PPP3CC: variants seen among roughly 807,000 people sequenced by gnomAD.
PPP3CC encodes protein phosphatase 3 catalytic subunit gamma, also known as serine/threonine-protein phosphatase 2B catalytic subunit gamma isoform.
A neutral mutation model predicts 60.3 loss-of-function variants in PPP3CC; 35 were observed. The ratio of observed to expected loss-of-function variants is 0.58; its 90% confidence interval spans 0.44 to 0.77. PPP3CC has a LOEUF of 0.77. Among genes scored for constraint, PPP3CC ranks in the 30% least tolerant of loss-of-function variants. PPP3CC has a pLI of 0.00. For missense variants in PPP3CC, 570 were observed against 628.9 expected, an observed-to-expected ratio of 0.91 and a Z score of 1.00; for synonymous variants, 206 against 224.3, an observed-to-expected ratio of 0.92 and a Z score of 0.73.
chr8:22,520,905 T>A (rs1839388577), intron 6 of PPP3CC, among the ~76,000 whole-genome samples: 1 of 152,212 alleles, frequency 6.6e-6, no homozygotes, highest in African/African-American at 2.4e-5. Flanking sequence ...GTCTATGCAT[T>A]TGAAGGAGCA....
In PPP3CC at chr8:22,532,289, G is replaced by A; in HGVS notation, c.1206G>A (p.Arg402=). The A allele has an allele frequency of 6.2e-7, 1 of 1,612,542 alleles. No homozygotes were observed. Among genetic ancestry groups the A allele is most frequent in the African/African-American group, 1.3e-5 (1 of 75,024 alleles). ...NKIRAIGKMA[R]VFSILRQESE... ...TCAGAGCCATTGGGAAGATGGCACG[G>A]GTCTTTTCAATTCTTCGGTAAGGAT... is the stretch of plus-strand genomic sequence containing the variant. The change falls in exon 11 of 14, where the codon CGG becomes CGA. Residue 402 remains arginine, a synonymous_variant. Coordinates refer to ENST00000240139, the MANE Select transcript of PPP3CC (RefSeq NM_005605.5).
chr8:22,532,785 T>C (rs1839750621), intron 11 of PPP3CC, 136 bp from the exon 12 acceptor site: 2 of 549,928 alleles, frequency 3.6e-6, no homozygotes, highest in Non-Finnish European at 6.3e-6. Context: ...ATCCCTTTCT[T>C]TGAGTCAGGG....
At chr8:22,499,445 CA>C (rs1241426528) in intron 4 of PPP3CC, among the ~76,000 whole-genome samples, 21 of 92,574 alleles carry the variant, frequency 2.3e-4, no homozygotes, top group South Asian at 3.4e-4. Flanking sequence ...GACTCCGTCT[CA>C]AAAAAAAAAA....
intron 10 of PPP3CC, among the ~76,000 whole-genome samples, chr8:22,529,822 C>A (rs1475210435): frequency 6.6e-6 from 1 of 152,016 alleles, no homozygotes; most frequent in Non-Finnish European, 1.5e-5. Flanking sequence ...TGTGAGGGAT[C>A]TTTTTATACA....
intron 3 of PPP3CC, among the ~76,000 whole-genome samples, chr8:22,486,481 T>C (rs953221119): frequency 1.8e-4 from 27 of 152,346 alleles, no homozygotes; most frequent in African/African-American, 6.5e-4. Flanking sequence ...GGAAACACTC[T>C]TTCTTGATGA....
intron 1 of PPP3CC, among the ~76,000 whole-genome samples, chr8:22,447,366 T>G (rs1357175762): frequency 6.6e-6 from 1 of 151,846 alleles, no homozygotes. Context: ...GTATTTTTAG[T>G]AGAGACGGGG....
intron 1 of PPP3CC, among the ~76,000 whole-genome samples, chr8:22,449,936 G>A (rs1333346110): frequency 6.7e-6 from 1 of 149,012 alleles, no homozygotes; most frequent in African/African-American, 2.5e-5. Context: ...GCGCAATCTC[G>A]GCTCACTGCA....
rs1282110789 is a variant in PPP3CC at position 22,499,117 on chromosome 8, T to G, written c.484+1005T>G. Among the ~76,000 whole-genome samples, 7 of 148,194 alleles carry G rather than the reference T, an allele frequency of 4.7e-5. No individual in the cohort carries two copies. In the East Asian group the frequency reaches 1.4e-3, roughly 29 times the overall value. Reference sequence around the variant, plus strand: ...CTGGGCAACAGAGCGAGACTCCGACTCAAAAAAAAAAGAAATAGAATTATT... The same window carrying G: ...CTGGGCAACAGAGCGAGACTCCGACGCAAAAAAAAAAGAAATAGAATTATT... On this transcript the variant is annotated intron_variant, in intron 4 of 13. Coordinates refer to ENST00000240139, the MANE Select transcript of PPP3CC (RefSeq NM_005605.5).
At chr8:22,455,055 CAAAAAA>C (rs5890035) in intron 1 of PPP3CC, among the ~76,000 whole-genome samples, 3 of 91,330 alleles carry the variant, frequency 3.3e-5, no homozygotes, top group Admixed American at 1.2e-4. Context: ...GACTCCATCT[CAAAAAA>C]AAAAAAAAAA....
chr8:22,530,081 TA>T (rs1410806058), intron 10 of PPP3CC, among the ~76,000 whole-genome samples: 1 of 152,160 alleles, frequency 6.6e-6, no homozygotes, highest in Non-Finnish European at 1.5e-5. Context: ...GAAATTACCA[TA>T]CACTCTCATG....
intron 1 of PPP3CC, among the ~76,000 whole-genome samples, chr8:22,456,544 A>G (rs894150946): frequency 6.6e-6 from 1 of 152,174 alleles, no homozygotes; most frequent in Non-Finnish European, 1.5e-5. Context: ...CACCACACAC[A>G]GTAGTATACC....
intron 3 of PPP3CC, among the ~76,000 whole-genome samples, chr8:22,477,349 C>G (rs537172060): frequency 2.6e-5 from 4 of 151,884 alleles, no homozygotes; most frequent in Non-Finnish European, 4.4e-5. Context: ...TGGTGGTGGG[C>G]GCCTGTAATC....
chr8:22,477,810 T>C (rs1361688661), intron 3 of PPP3CC, among the ~76,000 whole-genome samples: 1 of 151,712 alleles, frequency 6.6e-6, no homozygotes, highest in Non-Finnish European at 1.5e-5. Flanking sequence ...GGCTAGTCAT[T>C]GTATTTAATA....
At chr8:22,461,038 A>G (rs1837348420) in intron 1 of PPP3CC, among the ~76,000 whole-genome samples, 1 of 151,772 alleles carries the variant, frequency 6.6e-6, no homozygotes, top group South Asian at 2.1e-4. Context: ...TAGAAACAGG[A>G]TTTCACCATA....
chr8:22,473,618 C>T (rs1486314984), intron 1 of PPP3CC, among the ~76,000 whole-genome samples: 1 of 151,536 alleles, frequency 6.6e-6, no homozygotes, highest in African/African-American at 2.4e-5. Context: ...TGTGTGCCAT[C>T]ACACCCGGCT....
intron 3 of PPP3CC, among the ~76,000 whole-genome samples, chr8:22,477,711 G>A (rs1013167767): frequency 2.0e-5 from 3 of 151,520 alleles, no homozygotes; most frequent in African/African-American, 7.3e-5. Context: ...CGATCATTTC[G>A]TACCTCAGCC....
At chr8:22,477,778 A>G (rs997205418) in intron 3 of PPP3CC, among the ~76,000 whole-genome samples, 1 of 152,278 alleles carries the variant, frequency 6.6e-6, no homozygotes, top group East Asian at 1.9e-4. Context: ...ATATGGAACT[A>G]TAGATGCACA....
intron 12 of PPP3CC, among the ~76,000 whole-genome samples, chr8:22,535,194 C>T (rs927753280): frequency 1.3e-5 from 2 of 152,170 alleles, no homozygotes; most frequent in Non-Finnish European, 2.9e-5. Context: ...CAGCCATATT[C>T]TATTCCAGTG....
intron 4 of PPP3CC, chr8:22,510,840 C>A: frequency 2.3e-6 from 1 of 442,196 alleles, no homozygotes; most frequent in Non-Finnish European, 4.1e-6. Context: ...TGGACAGTCA[C>A]CTTATCACAT....
Sources: allele counts gnomAD v4.1 joint callset (sites outside exome capture counted in the v4.1 genomes callset), GRCh38; gene constraint gnomAD v4.1.1; transcripts MANE v1.5; gene names NCBI Gene and HGNC (gene_info 2026-07-23, HGNC 2026-07-21).